Variants in CDK14 observed in about 807,000 individuals in gnomAD.
The protein encoded by CDK14 is cyclin dependent kinase 14.
Under a neutral mutation model 60.7 loss-of-function variants are expected in CDK14, and 34 were observed. The observed-to-expected ratio is 0.56, with a 90% CI of 0.43 to 0.75. CDK14 has a LOEUF of 0.75. Among genes scored for constraint, CDK14 ranks in the 30% least tolerant of loss-of-function variants. The probability of loss-of-function intolerance (pLI) is 0.00; values close to 1 mark genes in which losing one functional copy is unlikely to be tolerated. For missense variants in CDK14, 482 were observed against 564.1 expected (o/e 0.85, Z 1.47); for synonymous variants, 197 against 203.7 (o/e 0.97, Z 0.28).
intron 5 of CDK14, among the ~76,000 whole-genome samples, chr7:90,859,885 A>G (rs760895750): frequency 4.6e-5 from 7 of 152,182 alleles, no homozygotes; most frequent in Non-Finnish European, 1.0e-4. Context: ...TAAATATTTG[A>G]TTAATAAATG....
At chr7:90,926,591 A>G (rs896574277) in intron 8 of CDK14, among the ~76,000 whole-genome samples, 1 of 152,086 alleles carries the variant, frequency 6.6e-6, no homozygotes, top group Admixed American at 6.6e-5. Flanking sequence ...TTCAGATTTC[A>G]CCTTTTCCAT....
intron 13 of CDK14, among the ~76,000 whole-genome samples, chr7:91,115,710 C>G (rs1799590164): frequency 6.6e-6 from 1 of 152,108 alleles, no homozygotes; most frequent in African/African-American, 2.4e-5. Context: ...ATGTCAGACC[C>G]CATGAGAAGG....
intron 9 of CDK14, among the ~76,000 whole-genome samples, chr7:90,977,042 T>A (rs965135710): frequency 1.2e-4 from 19 of 152,220 alleles, no homozygotes; most frequent in Admixed American, 1.2e-3. Context: ...TCCTGTGTTT[T>A]CTTCTAGTAG....
chr7:91,057,888 G>A (rs958656895), intron 11 of CDK14, among the ~76,000 whole-genome samples: 1 of 152,058 alleles, frequency 6.6e-6, no homozygotes, highest in Admixed American at 6.6e-5. Flanking sequence ...TGGCAATGAG[G>A]GCTCTTTTTT....
intron 14 of CDK14, among the ~76,000 whole-genome samples, chr7:91,126,798 G>A (rs574717704): frequency 6.2e-4 from 48 of 77,382 alleles, no homozygotes; most frequent in Non-Finnish European, 1.3e-3. Context: ...AGAGGCAGCC[G>A]CTTGCCTACT....
chr7:91,172,223 C>T (rs1050780708), intron 14 of CDK14, among the ~76,000 whole-genome samples: 4 of 152,178 alleles, frequency 2.6e-5, no homozygotes, highest in African/African-American at 9.7e-5. Flanking sequence ...TCTGAATTCT[C>T]TTTCATATCC....
At chr7:91,076,242 C>CAAAAAAAAAAAAAAAAAAAAAAAAAAAA (rs564729987) in intron 11 of CDK14, among the ~76,000 whole-genome samples, 1 of 28,800 alleles carries the variant, frequency 3.5e-5, no homozygotes, top group South Asian at 3.3e-3. Context: ...CTACAGTAAC[C>CAAAAAAAAAAAAAAAAAAAAAAAAAAAA]AAAAAAAAAA....
chr7:90,760,314 C>A (rs1356316597), intron 4 of CDK14, among the ~76,000 whole-genome samples: 1 of 152,208 alleles, frequency 6.6e-6, no homozygotes, highest in African/African-American at 2.4e-5. Flanking sequence ...GTTCTTACTG[C>A]TTGCACTAAA....
At chr7:90,946,603 GAAGA>G (rs1794107840) in intron 8 of CDK14, among the ~76,000 whole-genome samples, 1 of 151,962 alleles carries the variant, frequency 6.6e-6, no homozygotes, top group East Asian at 1.9e-4. Context: ...ATTTATTATT[GAAGA>G]AACATAAAAA....
intron 2 of CDK14, among the ~76,000 whole-genome samples, chr7:90,653,891 C>A (rs183492910): frequency 6.6e-6 from 1 of 152,236 alleles, no homozygotes; most frequent in Non-Finnish European, 1.5e-5. Context: ...TTGTTCAATT[C>A]CCACCTATGA....
intron 8 of CDK14, among the ~76,000 whole-genome samples, chr7:90,923,784 A>G (rs183275764): frequency 1.5e-4 from 23 of 152,338 alleles, no homozygotes; most frequent in Admixed American, 2.0e-4. Context: ...TTTTTCCTGT[A>G]CAATTTGAGG....
chr7:90,780,651 G>T (rs900139753), intron 4 of CDK14, among the ~76,000 whole-genome samples: 3 of 146,612 alleles, frequency 2.0e-5, no homozygotes, highest in African/African-American at 7.6e-5. Context: ...GTTCAATACG[G>T]TGTTTGGTTT....
chr7:90,802,743 A>G (rs1788689958), intron 5 of CDK14, among the ~76,000 whole-genome samples: 2 of 152,248 alleles, frequency 1.3e-5, no homozygotes, highest in East Asian at 1.9e-4. Flanking sequence ...AATAGAAGCA[A>G]TCAAGGAATA....
intron 4 of CDK14, among the ~76,000 whole-genome samples, chr7:90,778,781 T>C (rs1161673686): frequency 6.6e-6 from 1 of 152,156 alleles, no homozygotes; most frequent in Non-Finnish European, 1.5e-5. Flanking sequence ...GGAATGTTCT[T>C]GGTTTATTCT....
At chr7:91,162,516 G>C (rs1801199374) in intron 14 of CDK14, among the ~76,000 whole-genome samples, 1 of 152,128 alleles carries the variant, frequency 6.6e-6, no homozygotes, top group African/African-American at 2.4e-5. Flanking sequence ...GGTTAGGGGA[G>C]GGAGAGGAGC....
At chr7:90,975,012 G>C (rs1215636392) in intron 9 of CDK14, among the ~76,000 whole-genome samples, 1 of 152,112 alleles carries the variant, frequency 6.6e-6, no homozygotes, top group African/African-American at 2.4e-5. Context: ...TTTGTTCTGA[G>C]AAAGGTAATG....
intron 12 of CDK14, among the ~76,000 whole-genome samples, chr7:91,094,337 G>A (rs1798917536): frequency 6.6e-6 from 1 of 152,052 alleles, no homozygotes; most frequent in Admixed American, 6.6e-5. Flanking sequence ...TCTAATTTGG[G>A]AAAGAATATT....
chr7:90,825,654 A>G lies in CDK14; in HGVS notation c.544+35002A>G, dbSNP rs538551493. Among the ~76,000 whole-genome samples the G allele has an allele frequency of 4.1e-4, 63 of 152,296 alleles. 1 individual carries two copies. The East Asian group carries it at 0.011, about 28-fold the overall frequency. ...ATAACCTTAAAAAATATGGCATGTT[A>G]TGCAAATTATACGAAATGTATTTCT... On this transcript the variant is annotated intron_variant, in intron 5 of 14. Transcript: ENST00000380050.
intron 9 of CDK14, among the ~76,000 whole-genome samples, chr7:90,982,176 T>C (rs561434912): frequency 6.6e-6 from 1 of 152,302 alleles, no homozygotes; most frequent in East Asian, 1.9e-4. Flanking sequence ...GCATGGTAGA[T>C]GGCTCATAGA....
Sources: gnomAD v4.1 joint callset for allele counts (sites outside exome capture counted in the v4.1 genomes callset) on GRCh38, gnomAD v4.1.1 for gene constraint, MANE v1.5 for transcripts, NCBI Gene and HGNC (gene_info 2026-07-23, HGNC 2026-07-21) for gene names.